The following ERC1 variants were observed in gnomAD, a reference collection of about 807,000 sequenced individuals.
The protein encoded by ERC1 is ELKS/RAB6-interacting/CAST family member 1.
A neutral mutation model predicts 132.0 loss-of-function variants in ERC1; 56 were observed. The observed-to-expected ratio is 0.42, with a 90% CI of 0.34 to 0.53. ERC1 has a LOEUF of 0.53. Ranked by LOEUF, ERC1 falls within the 20% of genes least tolerant of loss-of-function variation. ERC1 has a pLI of 0.03. For synonymous variants in ERC1, 478 were observed against 476.1 expected (o/e 1.00, Z -0.05); for missense variants, 1,202 against 1,349.9 (o/e 0.89, Z 1.72).
At chr12:1,378,701 A>G (rs574346006) in intron 16 of ERC1, among the ~76,000 whole-genome samples, 63 of 152,342 alleles carry the variant, frequency 4.1e-4, no homozygotes, top group African/African-American at 1.5e-3. Flanking sequence ...ACTACTTTCT[A>G]CAGCAGTCCT....
Position 1,028,367 on chromosome 12 carries a change from A to G in ERC1, c.464A>G (p.Gln155Arg). The G allele has an allele frequency of 6.2e-7, 1 of 1,614,224 alleles. No homozygotes were observed. Among genetic ancestry groups the G allele is most frequent in the Middle Eastern group, 1.6e-4 (1 of 6,062 alleles). Residue 155 changes from glutamine to arginine, a missense_variant, in exon 2 of 19, where the codon CAG (glutamine) becomes CGG (arginine). By Grantham distance (43) the Gln-to-Arg change is conservative. Coordinates refer to ENST00000360905, the MANE Select transcript of ERC1 (RefSeq NM_178040.4). ...QARDNTIMDL[Q>R]TQLKEVLREN... ...AGAGATAACACAATCATGGATCTGCAGACACAGCTGAAGGAAGTATTAAGA... is the reference window on the plus strand; with the variant it reads ...AGAGATAACACAATCATGGATCTGCGGACACAGCTGAAGGAAGTATTAAGA...
intron 15 of ERC1, among the ~76,000 whole-genome samples, chr12:1,340,951 A>G: frequency 6.6e-6 from 1 of 151,976 alleles, no homozygotes; most frequent in East Asian, 1.9e-4. Context: ...TTTCATTCTA[A>G]GGGGTACATT....
intron 17 of ERC1, among the ~76,000 whole-genome samples, chr12:1,414,051 G>C (rs542059835): frequency 1.1e-3 from 164 of 152,280 alleles, no homozygotes; most frequent in African/African-American, 3.8e-3. Context: ...TTCGCAGTAG[G>C]GTTTGCGCTC....
chr12:1,168,886 A>G (rs879858739), intron 8 of ERC1, among the ~76,000 whole-genome samples: 5 of 152,150 alleles, frequency 3.3e-5, no homozygotes, highest in African/African-American at 7.2e-5. Flanking sequence ...GATGAAAGCT[A>G]TGGGCTTTCT....
chr12:1,214,505 A>G (rs565369453), intron 12 of ERC1, among the ~76,000 whole-genome samples: 4 of 152,292 alleles, frequency 2.6e-5, no homozygotes, highest in East Asian at 1.9e-4. Context: ...CATAACTTCA[A>G]TAGTATCCTC....
intron 1 of ERC1, among the ~76,000 whole-genome samples, chr12:1,010,531 A>G (rs1315279579): frequency 7.0e-6 from 1 of 143,188 alleles, no homozygotes; most frequent in Non-Finnish European, 1.5e-5. Context: ...TTTTTTTGAC[A>G]GAGAGTTTCA....
intron 16 of ERC1, among the ~76,000 whole-genome samples, chr12:1,400,976 C>A (rs2091004674): frequency 8.5e-6 from 1 of 117,666 alleles, no homozygotes; most frequent in East Asian, 2.7e-4. Context: ...TGCTCTATCG[C>A]CCAGGCTGGA....
chr12:1,472,272 G>A (rs2093877963), intron 18 of ERC1, among the ~76,000 whole-genome samples: 1 of 152,204 alleles, frequency 6.6e-6, no homozygotes, highest in African/African-American at 2.4e-5. Context: ...TGCCATAGCT[G>A]GGAAGCAGAG....
intron 16 of ERC1, among the ~76,000 whole-genome samples, chr12:1,406,460 A>T (rs576668314): frequency 6.6e-6 from 1 of 152,352 alleles, no homozygotes; most frequent in East Asian, 1.9e-4. Flanking sequence ...AGTAATTTTT[A>T]AAATATCCTA....
At chr12:1,079,370 A>G (rs1331251284) in intron 2 of ERC1, among the ~76,000 whole-genome samples, 2 of 114,566 alleles carry the variant, frequency 1.7e-5, no homozygotes, top group Non-Finnish European at 3.7e-5. Flanking sequence ...ATGATTTGTA[A>G]TATGACAAAA....
chr12:1,000,552 TTAAG>T (rs1962031129), intron 1 of ERC1, among the ~76,000 whole-genome samples: 1 of 150,464 alleles, frequency 6.6e-6, no homozygotes. Flanking sequence ...TGAACTTAAA[TTAAG>T]TGTCTCTGCC....
At chr12:1,256,919 T>A (rs1462328536) in intron 13 of ERC1, among the ~76,000 whole-genome samples, 1 of 150,712 alleles carries the variant, frequency 6.6e-6, no homozygotes, top group Non-Finnish European at 1.5e-5. Flanking sequence ...AGTTTTGTTA[T>A]ACTGGAGCTA....
intron 6 of ERC1, among the ~76,000 whole-genome samples, chr12:1,114,777 T>G (rs1946274163): frequency 6.6e-6 from 1 of 152,220 alleles, no homozygotes. Context: ...ACAGAAATAT[T>G]TGTTGAATGA....
At chr12:1,453,257 G>A (rs1184073763) in intron 18 of ERC1, among the ~76,000 whole-genome samples, 1 of 152,034 alleles carries the variant, frequency 6.6e-6, no homozygotes, top group African/African-American at 2.4e-5. Flanking sequence ...AGTAGCAGCA[G>A]ACTTCTAGTT....
intron 1 of ERC1, among the ~76,000 whole-genome samples, chr12:1,025,193 T>A (rs988382803): frequency 2.0e-5 from 3 of 152,186 alleles, no homozygotes; most frequent in African/African-American, 7.2e-5. Context: ...GAACATGTTT[T>A]CTTTTTTGAA....
At chr12:1,162,011 C>G (rs989859488) in intron 8 of ERC1, among the ~76,000 whole-genome samples, 32 of 152,100 alleles carry the variant, frequency 2.1e-4, no homozygotes, top group Non-Finnish European at 4.4e-5. Context: ...ATGGTAATCG[C>G]TGGGTTATAA....
chr12:1,210,315 G>GT (rs1414865129), intron 12 of ERC1, among the ~76,000 whole-genome samples: 2 of 152,242 alleles, frequency 1.3e-5, no homozygotes, highest in Admixed American at 1.3e-4. Context: ...TGGCAGACCT[G>GT]TAAGTGATGT....
At chr12:1,021,597 G>A (rs1966385806) in intron 1 of ERC1, among the ~76,000 whole-genome samples, 1 of 151,802 alleles carries the variant, frequency 6.6e-6, no homozygotes, top group African/African-American at 2.4e-5. Flanking sequence ...TACTCGGGAG[G>A]CTGAGGCAGA....
intron 16 of ERC1, among the ~76,000 whole-genome samples, chr12:1,395,492 G>A (rs187599586): frequency 1.3e-5 from 2 of 151,344 alleles, no homozygotes; most frequent in Admixed American, 6.6e-5. Flanking sequence ...AATATAGGCT[G>A]CTCTTCTCCA....
Sources: allele counts gnomAD v4.1 joint callset (sites outside exome capture counted in the v4.1 genomes callset), GRCh38; gene constraint gnomAD v4.1.1; transcripts MANE v1.5; gene names NCBI Gene and HGNC (gene_info 2026-07-23, HGNC 2026-07-21).